NCOR1: variants seen among roughly 807,000 people sequenced by gnomAD.
NCOR1 encodes protein phosphatase 1, regulatory subunit 109.
NCOR1 carries 63 observed loss-of-function variants against 288.1 expected under a neutral mutation model. That is an observed-to-expected ratio of 0.22 (90% CI 0.18 to 0.27). NCOR1 has a LOEUF of 0.27. NCOR1 is among the 10% of genes least tolerant of loss of function. The pLI, the probability that NCOR1 is intolerant of heterozygous loss-of-function variation, is 1.00. For missense variants in NCOR1, 2,397 were observed against 3,019.2 expected, an observed-to-expected ratio of 0.79 and a Z score of 4.83; for synonymous variants, 1,007 against 1,065.9, an observed-to-expected ratio of 0.94 and a Z score of 1.08.
rs1037481488 is a variant in NCOR1 at position 16,086,355 on chromosome 17, G to C, written c.3104C>G (p.Pro1035Arg). The change falls in exon 23 of 46, where the codon CCT (proline) becomes CGT (arginine). Residue 1035 changes from proline (P) to arginine (R), a missense_variant. Around this residue, in one of 11 missense-constraint regions of NCOR1, gnomAD observed 1,872 missense variants for 2,187.8 expected, o/e 0.86. Transcript: ENST00000268712. The stretch of plus-strand genomic sequence containing the variant: ...TGTGGTTTTGGATGACGGGATGAGA[G>C]GGGGCGGTGGCCTGGTTGGTCGAGT... The part of the protein sequence containing the change: ...PTTRPTRPPP[P>R]LIPSSKTTVA... The C allele has an allele frequency of 9.3e-6, 15 of 1,614,168 alleles. No homozygotes were observed. Among genetic ancestry groups the C allele is most frequent in the Non-Finnish European group, 1.3e-5 (15 of 1,179,998 alleles).
At chr17:16,039,026 C>T (rs1288654083) in intron 44 of NCOR1, among the ~76,000 whole-genome samples, 4 of 152,216 alleles carry the variant, frequency 2.6e-5, no homozygotes, top group Non-Finnish European at 5.9e-5. Context: ...GCCTCCGCCC[C>T]CCAAAGTGCT....
chr17:16,163,380 T>A (rs2081284414), intron 5 of NCOR1, among the ~76,000 whole-genome samples: 1 of 152,078 alleles, frequency 6.6e-6, no homozygotes, highest in Non-Finnish European at 1.5e-5. Context: ...TCTAAAAAGA[T>A]ATACAAATGG....
chr17:16,065,262 T>A (rs1178126765), intron 33 of NCOR1, among the ~76,000 whole-genome samples: 2 of 152,226 alleles, frequency 1.3e-5, no homozygotes, highest in Admixed American at 1.3e-4. Flanking sequence ...AGCCATGGAT[T>A]ACAAATACTC....
chr17:16,087,204 T>C (rs1236417485), intron 22 of NCOR1: 1 of 1,304,234 alleles, frequency 7.7e-7, no homozygotes, highest in Admixed American at 2.3e-5. Flanking sequence ...TGCACTCATA[T>C]CAGGCTGTGG....
intron 26 of NCOR1, 57 bp downstream of exon 26, chr17:16,079,907 T>G (rs2063134261): frequency 1.4e-6 from 2 of 1,440,874 alleles, no homozygotes; most frequent in Non-Finnish European, 1.9e-6. Context: ...TGCTAAGAAT[T>G]ATTTATCATT....
rs73280286 is a variant in NCOR1 at position 16,166,964 on chromosome 17, G to A, written c.436-1803C>T. The stretch of plus-strand genomic sequence containing the variant: ...CCTTTCTCTTTCATTATGAGACAGC[G>A]TACTCCTGAGAACTTAGAAATGTTA... On this transcript the variant is annotated intron_variant, in intron 4 of 45. Coordinates refer to ENST00000268712, the MANE Select transcript of NCOR1 (RefSeq NM_006311.4). 2.9e-3 allele frequency among the ~76,000 whole-genome samples: 443 copies of A among 152,228 alleles called. 20 individuals are homozygous for A. In the East Asian group the frequency reaches 0.051, roughly 17 times the overall value.
intron 3 of NCOR1, among the ~76,000 whole-genome samples, chr17:16,179,291 C>A (rs902521453): frequency 6.6e-6 from 1 of 151,926 alleles, no homozygotes; most frequent in Non-Finnish European, 1.5e-5. Flanking sequence ...GAAGAAATTA[C>A]AACAGATGCC....
intron 18 of NCOR1, among the ~76,000 whole-genome samples, chr17:16,116,895 G>A (rs2071722532): frequency 6.6e-6 from 1 of 152,158 alleles, no homozygotes. Flanking sequence ...GCACCGTTTG[G>A]TTCCCTGCCA....
chr17:16,036,192 C>G (rs902571152), intron 44 of NCOR1, among the ~76,000 whole-genome samples: 1 of 152,226 alleles, frequency 6.6e-6, no homozygotes, highest in Non-Finnish European at 1.5e-5. Context: ...CATTCATCTC[C>G]TTGAACCTTT....
In NCOR1 at chr17:16,065,673, T is replaced by G; in HGVS notation, c.4763A>C (p.Gln1588Pro). ...ACCTGGAGTTGGTGAAAGCTGTCTC[T>G]GAAACAGGTAAGCAGCCGCTGCTGA... ...LDPAAAAYLFQRQLSPTPGYP... is the reference protein window; with the variant it reads ...LDPAAAAYLFPRQLSPTPGYP... Residue 1588 changes from glutamine (Q) to proline (P), a missense_variant, in exon 33 of 46, where the codon CAG becomes CCG. Coordinates refer to ENST00000268712, the MANE Select transcript of NCOR1 (RefSeq NM_006311.4). 6 of 1,614,210 alleles carry G rather than the reference T, an allele frequency of 3.7e-6. No individual in the cohort carries two copies. Among genetic ancestry groups the G allele is most frequent in the Non-Finnish European group, 5.1e-6 (6 of 1,180,028 alleles).
intron 1 of NCOR1, among the ~76,000 whole-genome samples, chr17:16,196,027 C>T (rs537258342): frequency 1.0e-3 from 152 of 151,118 alleles, no homozygotes; most frequent in Non-Finnish European, 1.8e-3. Context: ...CATATACACA[C>T]GTGCATGTGT....
intron 13 of NCOR1, 97 bp downstream of exon 13, chr17:16,138,061 G>A: frequency 4.5e-6 from 4 of 889,598 alleles, no homozygotes; most frequent in Non-Finnish European, 7.1e-6. Context: ...TTTTAAAATC[G>A]GTTCTAGTTA....
At chr17:16,049,608 G>A (rs1236119898) in intron 40 of NCOR1, among the ~76,000 whole-genome samples, 1 of 149,854 alleles carries the variant, frequency 6.7e-6, no homozygotes, top group Admixed American at 6.6e-5. Context: ...TTGAGACAGA[G>A]TCTGGCTTTG....
intron 8 of NCOR1, chr17:16,151,560 G>C (rs2078875994): frequency 1.5e-6 from 2 of 1,307,780 alleles, no homozygotes; most frequent in South Asian, 2.5e-5. Context: ...GTCATCACTA[G>C]TCTTAAATGA....
At chr17:16,110,391 A>T (rs950594792) in intron 18 of NCOR1, among the ~76,000 whole-genome samples, 22 of 152,108 alleles carry the variant, frequency 1.4e-4, no homozygotes, top group Middle Eastern at 3.4e-3. Context: ...AATTTTTTTT[A>T]ATTCCTTTTT....
chr17:16,070,291 G>C lies in NCOR1; in HGVS notation c.4387C>G (p.Leu1463Val). ...AGTTGTGCTTTGGGAGCTTCATGCA[G>C]TGTGGACCTAAGAACGGAGGGGCCA... ...SSGPSVLRST[L>V]HEAPKAQLSP... The change falls in exon 31 of 46, where the codon CTG (leucine) becomes GTG (valine). Residue 1463 changes from leucine to valine, a missense_variant. Transcript: ENST00000268712. 1 of 1,614,144 alleles carries C rather than the reference G, an allele frequency of 6.2e-7. No individual in the cohort carries two copies. The highest frequency in any genetic ancestry group is 8.5e-7 in the Non-Finnish European group (1 of 1,180,032).
chr17:16,068,035 G>C lies in NCOR1; in HGVS notation c.4600C>G (p.Pro1534Ala), dbSNP rs745307418. The change falls in exon 32 of 46, where the codon CCA (proline) becomes GCA (alanine). Residue 1534 changes from proline to alanine, a missense_variant. By Grantham distance (27) the Pro-to-Ala change is conservative. Around this residue, in one of 11 missense-constraint regions of NCOR1, gnomAD observed 1,872 missense variants for 2,187.8 expected, o/e 0.86. Coordinates refer to ENST00000268712, the MANE Select transcript of NCOR1 (RefSeq NM_006311.4). ...ACGACAGGGTCCACCCCAGGCACTG[G>C]AGACTTCGCTGGGATACTTTCCCTC... The part of the protein sequence containing the change: ...TQRESIPAKS[P>A]VPGVDPVVSH... The C allele has an allele frequency of 8.1e-6, 13 of 1,614,094 alleles. No individual in the cohort carries two copies. The highest frequency in any genetic ancestry group is 1.1e-5 in the Non-Finnish European group (13 of 1,180,042).
chr17:16,149,205 T>C (rs1483431623), intron 9 of NCOR1, among the ~76,000 whole-genome samples: 1 of 151,212 alleles, frequency 6.6e-6, no homozygotes, highest in Non-Finnish European at 1.5e-5. Flanking sequence ...TAAATGAAAA[T>C]GTTCTAGAAA....
intron 19 of NCOR1, among the ~76,000 whole-genome samples, chr17:16,106,896 T>A (rs2068867137): frequency 9.2e-6 from 1 of 108,994 alleles, no homozygotes; most frequent in African/African-American, 3.5e-5. Flanking sequence ...TTTTTTTTTT[T>A]TTTTTTTTTT....
Sources: allele counts gnomAD v4.1 joint callset (sites outside exome capture counted in the v4.1 genomes callset), GRCh38; gene constraint gnomAD v4.1.1; regional missense constraint gnomAD v4.1.1; transcripts MANE v1.5; gene names NCBI Gene and HGNC (gene_info 2026-07-23, HGNC 2026-07-21).